Variants in TMCO5A observed in about 807,000 individuals in gnomAD.
TMCO5A encodes the protein transmembrane and coiled-coil domains 5A.
A neutral mutation model predicts 42.3 loss-of-function variants in TMCO5A; 34 were observed. That is an observed-to-expected ratio of 0.80 (90% CI 0.61 to 1.07). TMCO5A has a LOEUF of 1.07. Among genes scored for constraint, TMCO5A ranks in the 50% least tolerant of loss-of-function variants. TMCO5A has a pLI of 0.00. For missense variants in TMCO5A, 357 were observed against 327.9 expected (o/e 1.09, Z -0.69); for synonymous variants, 131 against 115.6 (o/e 1.13, Z -0.86).
downstream of TMCO5A, among the ~76,000 whole-genome samples, chr15:37,968,408 C>T (rs1890606351): frequency 6.6e-6 from 1 of 152,116 alleles, no homozygotes; most frequent in Non-Finnish European, 1.5e-5. Flanking sequence ...CCAAGGTGCA[C>T]ACCTTTCCTT....
At chr15:37,987,975 A>C in the TMCO5A span, among the ~76,000 whole-genome samples, 77 of 152,050 alleles carry the variant, frequency 5.1e-4, no homozygotes, top group African/African-American at 1.9e-3. Flanking sequence ...TAGCAATTTT[A>C]AGTCTCCCAA....
chr15:37,939,478 T>C (rs942450675), intron 6 of TMCO5A, among the ~76,000 whole-genome samples: 1 of 152,060 alleles, frequency 6.6e-6, no homozygotes, highest in Non-Finnish European at 1.5e-5. Flanking sequence ...ACACTGATTT[T>C]CTTCCAAGAT....
chr15:38,010,571 C>T, the TMCO5A span, among the ~76,000 whole-genome samples: 4 of 151,830 alleles, frequency 2.6e-5, no homozygotes, highest in Non-Finnish European at 4.4e-5. Flanking sequence ...GGGGAACCTG[C>T]AGAGGGAGTG....
At chr15:37,988,267 T>C in the TMCO5A span, among the ~76,000 whole-genome samples, 1 of 152,020 alleles carries the variant, frequency 6.6e-6, no homozygotes. Context: ...GAGTTTTCCA[T>C]GTATAAAATC....
At chr15:37,997,135 C>T in the TMCO5A span, among the ~76,000 whole-genome samples, 2 of 151,962 alleles carry the variant, frequency 1.3e-5, no homozygotes, top group African/African-American at 2.4e-5. Flanking sequence ...GTCATAAGTT[C>T]TGGGAGAAAA....
chr15:37,943,229 A>G, intron 9 of TMCO5A, 112 bp from the exon 10 acceptor site: 1 of 895,528 alleles, frequency 1.1e-6, no homozygotes, highest in Non-Finnish European at 1.7e-6. Flanking sequence ...CAGTAGTTAC[A>G]ATATTGGACA....
At position 37,941,267 on chromosome 15, in the gene TMCO5A, C is replaced by A. The variant is rs75787345; in HGVS notation, c.444+62C>A. On this transcript the variant is annotated intron_variant, in intron 7 of 11. Coordinates refer to ENST00000319669, the MANE Select transcript of TMCO5A (RefSeq NM_152453.4). ...AAGGGAAATGTGATCTTTGGTCAGG[C>A]AATCTATTTCTCAAGTGATTGATTT... is the stretch of plus-strand genomic sequence containing the variant. The A allele has an allele frequency of 9.9e-4, 1,485 of 1,493,284 alleles. 19 individuals are homozygous for A. The African/African-American group carries it at 0.019, about 19-fold the overall frequency. 92.5% of individuals were successfully genotyped at this position (1,493,284 alleles called of 1,614,324 possible). A position where few individuals can be genotyped will look rare whatever the true frequency, so the allele number is the denominator to read the frequency against.
At chr15:37,947,524 G>T (rs1200366282) in intron 10 of TMCO5A, 132 bp from the exon 11 acceptor site, 25 of 640,444 alleles carry the variant, frequency 3.9e-5, no homozygotes, top group South Asian at 1.7e-4. Flanking sequence ...AAAATTATAT[G>T]TGCTTATGCA....
the TMCO5A span, among the ~76,000 whole-genome samples, chr15:38,023,500 G>A: frequency 6.6e-6 from 1 of 152,150 alleles, no homozygotes; most frequent in East Asian, 1.9e-4. Context: ...ATGTTTTAAA[G>A]GTAAACATTC....
chr15:37,982,967 A>T, the TMCO5A span, among the ~76,000 whole-genome samples: 3 of 151,814 alleles, frequency 2.0e-5, no homozygotes, highest in Non-Finnish European at 4.4e-5. Flanking sequence ...CCATCTCTTT[A>T]ATCAATCTAC....
the TMCO5A span, among the ~76,000 whole-genome samples, chr15:38,032,494 CTAGAG>C: frequency 6.6e-6 from 1 of 152,208 alleles, no homozygotes; most frequent in Admixed American, 6.5e-5. Context: ...AGTTCAGAAT[CTAGAG>C]TAGTTCTTCA....
chr15:37,935,542 A>T (rs1376718759), intron 2 of TMCO5A, among the ~76,000 whole-genome samples, 194 bp downstream of exon 2: 4 of 152,088 alleles, frequency 2.6e-5, no homozygotes, highest in Non-Finnish European at 5.9e-5. Flanking sequence ...ATCTAAAACA[A>T]AAGCCTCTGT....
At chr15:37,968,243 A>G (rs1890602852), downstream of TMCO5A, among the ~76,000 whole-genome samples, 1 of 152,156 alleles carries the variant, frequency 6.6e-6, no homozygotes, top group Admixed American at 6.5e-5. Context: ...AGATGAACTC[A>G]GGTTTCTGCC....
chr15:37,969,428 C>T (rs1890631736), downstream of TMCO5A, among the ~76,000 whole-genome samples: 1 of 152,210 alleles, frequency 6.6e-6, no homozygotes, highest in South Asian at 2.1e-4. Flanking sequence ...CAAATACCCA[C>T]ATTCTGATAA....
chr15:37,990,678 T>C, the TMCO5A span, among the ~76,000 whole-genome samples: 2 of 152,088 alleles, frequency 1.3e-5, no homozygotes, highest in Non-Finnish European at 2.9e-5. Flanking sequence ...TTTTTCTATA[T>C]ACCTTTTATC....
the TMCO5A span, among the ~76,000 whole-genome samples, chr15:38,015,341 C>A: frequency 6.6e-6 from 1 of 152,060 alleles, no homozygotes; most frequent in Non-Finnish European, 1.5e-5. Context: ...ACCCACTAAC[C>A]ACCATTTAAT....
chr15:37,996,805 CT>C, the TMCO5A span, among the ~76,000 whole-genome samples: 1 of 152,180 alleles, frequency 6.6e-6, no homozygotes, highest in Non-Finnish European at 1.5e-5. Context: ...GCCCTGGACA[CT>C]GGCAGCTTGA....
the TMCO5A span, among the ~76,000 whole-genome samples, chr15:37,993,638 T>C: frequency 1.3e-5 from 2 of 152,178 alleles, no homozygotes; most frequent in Admixed American, 1.3e-4. Flanking sequence ...TTAAATCCTC[T>C]GAAAGTTAAT....
At chr15:37,977,563 C>CA in the TMCO5A span, among the ~76,000 whole-genome samples, 5 of 152,296 alleles carry the variant, frequency 3.3e-5, no homozygotes, top group Non-Finnish European at 5.9e-5. Flanking sequence ...CTTGCTTAGC[C>CA]ACGTGGCTCC....
Sources: allele counts gnomAD v4.1 joint callset (sites outside exome capture counted in the v4.1 genomes callset), GRCh38; gene constraint gnomAD v4.1.1; transcripts MANE v1.5; gene names NCBI Gene and HGNC (gene_info 2026-07-23, HGNC 2026-07-21).